The following ZFHX3 variants were observed in gnomAD, a reference collection of about 807,000 sequenced individuals.
ZFHX3 encodes the protein zinc finger homeobox 3.
Under a neutral mutation model 279.1 loss-of-function variants are expected in ZFHX3, and 42 were observed. The observed-to-expected ratio is 0.15, with a 90% CI of 0.12 to 0.19. The LOEUF (loss-of-function observed/expected upper bound fraction) is 0.19. Among genes scored for constraint, ZFHX3 ranks in the 10% least tolerant of loss-of-function variants. The probability of loss-of-function intolerance (pLI) is 1.00; values close to 1 mark genes in which losing one functional copy is unlikely to be tolerated. For missense variants in ZFHX3, 4,981 were observed against 4,754.0 expected (o/e 1.05, Z -1.40); for synonymous variants, 2,293 against 1,957.8 (o/e 1.17, Z -4.52).
At chr16:73,251,302 C>T (rs759261870) in intron 5 of ZFHX3, among the ~76,000 whole-genome samples, 1 of 152,168 alleles carries the variant, frequency 6.6e-6, no homozygotes, top group Non-Finnish European at 1.5e-5. Flanking sequence ...AACAGTGAAT[C>T]ACTAAGCTGT....
chr16:73,669,203 G>A (rs370266824), intron 2 of ZFHX3, among the ~76,000 whole-genome samples: 92 of 152,202 alleles, frequency 6.0e-4, no homozygotes, highest in African/African-American at 2.2e-3. Context: ...ACAGGCATGT[G>A]CCACTACGCC....
chr16:72,791,820 T>C (rs1182491835), intron 9 of ZFHX3, among the ~76,000 whole-genome samples: 7 of 152,150 alleles, frequency 4.6e-5, no homozygotes. Flanking sequence ...TCTTTTCTTA[T>C]TCTCTTTGAA....
chr16:73,346,439 CA>C (rs1244677478), intron 3 of ZFHX3, among the ~76,000 whole-genome samples: 1 of 152,144 alleles, frequency 6.6e-6, no homozygotes, highest in Non-Finnish European at 1.5e-5. Flanking sequence ...ACAGATTGGC[CA>C]AAACAGCTAT....
At chr16:73,405,139 T>A (rs2017334253) in intron 3 of ZFHX3, among the ~76,000 whole-genome samples, 1 of 152,106 alleles carries the variant, frequency 6.6e-6, no homozygotes, top group African/African-American at 2.4e-5. Context: ...ATTACAACCA[T>A]CAGTGTTGTT....
At chr16:73,890,402 G>C (rs1464253279) in intron 1 of ZFHX3, among the ~76,000 whole-genome samples, 1 of 152,116 alleles carries the variant, frequency 6.6e-6, no homozygotes, top group Non-Finnish European at 1.5e-5. Context: ...AGCCGCCTGA[G>C]AATTTGCTTT....
At chr16:73,651,009 A>C (rs941690053) in intron 2 of ZFHX3, among the ~76,000 whole-genome samples, 1 of 152,240 alleles carries the variant, frequency 6.6e-6, no homozygotes, top group African/African-American at 2.4e-5. Context: ...ATCAAGGTGT[A>C]ATAAACAAAA....
intron 4 of ZFHX3, among the ~76,000 whole-genome samples, chr16:72,876,939 G>A (rs1438901247): frequency 6.6e-6 from 1 of 152,164 alleles, no homozygotes; most frequent in Non-Finnish European, 1.5e-5. Context: ...AGACTTGGCG[G>A]GGGAGAAAGG....
At chr16:73,152,892 C>T (rs911917034) in intron 5 of ZFHX3, among the ~76,000 whole-genome samples, 4 of 151,860 alleles carry the variant, frequency 2.6e-5, no homozygotes, top group Admixed American at 2.6e-4. Context: ...CCCTTCTAAT[C>T]GCTGCAGCTC....
intron 2 of ZFHX3, among the ~76,000 whole-genome samples, chr16:73,649,517 C>G (rs1201384840): frequency 1.3e-5 from 2 of 152,096 alleles, no homozygotes; most frequent in African/African-American, 4.8e-5. Flanking sequence ...TATAGGTATT[C>G]TCTGGTCTCT....
chr16:73,158,647 C>T (rs79713546), intron 5 of ZFHX3, among the ~76,000 whole-genome samples: 1,577 of 152,238 alleles, frequency 0.01, 19 homozygotes, highest in African/African-American at 0.036. Context: ...AAGCACGAAG[C>T]TGGAGGCATC....
rs72795197 is a variant in ZFHX3, at chr16:73,139,083, A to T, written c.-1024+4669T>A. 7.6e-3 allele frequency among the ~76,000 whole-genome samples: 1,155 copies of T among 152,346 alleles called. 7 individuals carry two copies. Among genetic ancestry groups the T allele is most frequent in the Admixed American group, 0.01 (155 of 15,312 alleles). On this transcript the variant is annotated intron_variant, in intron 6 of 17. Coordinates refer to the ZFHX3 transcript ENST00000641206. ...AGCATCTCCAGCAATTCCGCCTTAC[A>T]GAAATTTATCCTAATGAGACGAGAC...
intron 2 of ZFHX3, among the ~76,000 whole-genome samples, chr16:73,547,470 G>C (rs913416772): frequency 6.6e-6 from 1 of 152,136 alleles, no homozygotes; most frequent in African/African-American, 2.4e-5. Flanking sequence ...TTTAGTTCCA[G>C]GGACAGGAAG....
chr16:73,649,629 T>G (rs1443060891), intron 2 of ZFHX3, among the ~76,000 whole-genome samples: 1 of 152,244 alleles, frequency 6.6e-6, no homozygotes, highest in Admixed American at 6.5e-5. Flanking sequence ...ACCTATAGAC[T>G]TACAGAGAGT....
At chr16:72,952,696 T>C (rs577120845) in intron 2 of ZFHX3, among the ~76,000 whole-genome samples, 2 of 152,274 alleles carry the variant, frequency 1.3e-5, no homozygotes, top group Admixed American at 6.5e-5. Flanking sequence ...TTCCTCCCTC[T>C]CCCACCCTGG....
intron 3 of ZFHX3, among the ~76,000 whole-genome samples, chr16:73,454,734 G>A (rs902862766): frequency 7.9e-5 from 12 of 152,008 alleles, no homozygotes; most frequent in African/African-American, 2.9e-4. Context: ...TGTGGCTCAG[G>A]GAGAGGAGCG....
chr16:73,465,793 T>C (rs1467703009), intron 2 of ZFHX3, among the ~76,000 whole-genome samples: 1 of 152,128 alleles, frequency 6.6e-6, no homozygotes, highest in Non-Finnish European at 1.5e-5. Context: ...AAAATACAGA[T>C]CAGGTGGATA....
rs1403441898 is a variant in ZFHX3 at position 72,835,077 on chromosome 16, T to C, written c.3449-5218A>G. ...ATCTGTACCCGAGGCTCTCACATGATCATGTTACTTAAATAATACACCAAT... is the reference window on the plus strand; with the variant it reads ...ATCTGTACCCGAGGCTCTCACATGACCATGTTACTTAAATAATACACCAAT... On this transcript the variant is annotated intron_variant, in intron 4 of 9. Transcript: ENST00000268489. Among the ~76,000 whole-genome samples the C allele has an allele frequency of 3.3e-5, 5 of 152,166 alleles. No individual in the cohort carries two copies. In the East Asian group the frequency reaches 9.6e-4, roughly 29 times the overall value.
At chr16:73,757,113 G>T (rs1185263465) in intron 1 of ZFHX3, among the ~76,000 whole-genome samples, 1 of 152,142 alleles carries the variant, frequency 6.6e-6, no homozygotes. Flanking sequence ...AATCTGAAAC[G>T]GTGAGGGGCA....
intron 5 of ZFHX3, among the ~76,000 whole-genome samples, chr16:73,191,516 C>T (rs1207674994): frequency 3.9e-5 from 6 of 152,114 alleles, no homozygotes; most frequent in South Asian, 2.1e-4. Context: ...AAAGCTTTGA[C>T]GTAACGCTTG....
Sources: gnomAD v4.1 joint callset for allele counts (sites outside exome capture counted in the v4.1 genomes callset) on GRCh38, gnomAD v4.1.1 for gene constraint, MANE v1.5 for transcripts, NCBI Gene and HGNC (gene_info 2026-07-23, HGNC 2026-07-21) for gene names.